FAM167A: variants seen among roughly 807,000 people sequenced by gnomAD.
FAM167A encodes the protein family with sequence similarity 167 member A.
A neutral mutation model predicts 14.9 loss-of-function variants in FAM167A; 23 were observed. The observed-to-expected ratio is 1.55, with a 90% CI of 1.11 to 2.19. FAM167A has a LOEUF of 2.19. Among genes scored for constraint, FAM167A ranks in the 30% most tolerant of loss-of-function variants. The pLI is 0.00. For missense variants in FAM167A, 401 were observed against 281.5 expected (o/e 1.42, Z -3.04); for synonymous variants, 174 against 117.7 (o/e 1.48, Z -3.10).
At chr8:11,469,163 C>T (rs140993954), upstream of FAM167A, among the ~76,000 whole-genome samples, 1 of 152,280 alleles carries the variant, frequency 6.6e-6, no homozygotes, top group East Asian at 1.9e-4. Context: ...TGAAACTTCT[C>T]ATTCCAATAT....
chr8:11,459,319 A>C (rs1289456892), intron 1 of FAM167A, among the ~76,000 whole-genome samples: 1 of 152,036 alleles, frequency 6.6e-6, no homozygotes, highest in Non-Finnish European at 1.5e-5. Flanking sequence ...AGTCTCCCCA[A>C]CTCCACCATT....
chr8:11,431,086 G>C (rs932663064), intron 2 of FAM167A, among the ~76,000 whole-genome samples: 7 of 152,236 alleles, frequency 4.6e-5, no homozygotes, highest in Non-Finnish European at 8.8e-5. Flanking sequence ...GAAGGCAAAA[G>C]CTAGAACCTG....
Position 11,421,768 on chromosome 8 carries a change from T to C in FAM167A, c.*2605A>G. 2.5e-6 allele frequency: 1 copy of C among 399,024 alleles called. No homozygotes were observed. The highest frequency in any genetic ancestry group is 4.4e-6 in the Non-Finnish European group (1 of 226,096). 24.7% of individuals were successfully genotyped at this position (399,024 alleles called of 1,614,324 possible). On this transcript the variant is annotated 3_prime_UTR_variant, in exon 3 of 3. Coordinates refer to ENST00000284486, the MANE Select transcript of FAM167A (RefSeq NM_053279.3). Reference sequence around the variant, plus strand: ...TTTTACACCCAGCGATGCTTGGGGATGGCAGAGAGATGGATGGATAATGAG... The same window carrying C: ...TTTTACACCCAGCGATGCTTGGGGACGGCAGAGAGATGGATGGATAATGAG...
intron 2 of FAM167A, among the ~76,000 whole-genome samples, chr8:11,441,069 T>G (rs1336999328): frequency 6.6e-6 from 1 of 152,248 alleles, no homozygotes; most frequent in Non-Finnish European, 1.5e-5. Flanking sequence ...CCTGCCTGCC[T>G]ACCTGCCAGC....
In FAM167A at chr8:11,422,113, C is replaced by G. The variant is rs904027980; in HGVS notation, c.*2260G>C. 3.3e-6 allele frequency: 1 copy of G among 301,524 alleles called. No individual in the cohort carries two copies. Among genetic ancestry groups the G allele is most frequent in the African/African-American group, 2.2e-5 (1 of 46,388 alleles). The allele number at this position is 301,524 out of a possible 1,614,324, so 18.7% of individuals were successfully genotyped here. On this transcript the variant is annotated 3_prime_UTR_variant, in exon 3 of 3. Transcript: ENST00000284486. Reference sequence around the variant, plus strand: ...CATGTGTCTTGATCTTAGTTTCCACCCAGAGAATGAAGAAAGCAAGCAAGC... The same window carrying G: ...CATGTGTCTTGATCTTAGTTTCCACGCAGAGAATGAAGAAAGCAAGCAAGC...
At chr8:11,430,649 G>T (rs1369585965) in intron 2 of FAM167A, among the ~76,000 whole-genome samples, 1 of 152,154 alleles carries the variant, frequency 6.6e-6, no homozygotes, top group Non-Finnish European at 1.5e-5. Context: ...AAGGTAGAAG[G>T]CAAACCCCCA....
intron 2 of FAM167A, among the ~76,000 whole-genome samples, chr8:11,429,856 G>A (rs143688933): frequency 1.6e-4 from 25 of 152,304 alleles, no homozygotes; most frequent in Admixed American, 1.3e-4. Context: ...AAGAGATAAG[G>A]CCTCTTCTCA....
chr8:11,427,181 T>C (rs1191733439), intron 2 of FAM167A, among the ~76,000 whole-genome samples: 7 of 152,202 alleles, frequency 4.6e-5, no homozygotes, highest in African/African-American at 1.7e-4. Context: ...AGTCCTGAGA[T>C]GTATTTTCTG....
intron 1 of FAM167A, among the ~76,000 whole-genome samples, chr8:11,456,394 T>A (rs201696824): frequency 7.8e-4 from 21 of 26,852 alleles, no homozygotes; most frequent in South Asian, 2.7e-3. Flanking sequence ...CTGGTGTGTG[T>A]GTGAGTGTGG....
chr8:11,425,353 C>T (rs1805063143), intron 2 of FAM167A, among the ~76,000 whole-genome samples: 1 of 152,182 alleles, frequency 6.6e-6, no homozygotes, highest in Admixed American at 6.5e-5. Context: ...GCTCACAAAG[C>T]TCATCCACAG....
At chr8:11,463,691 C>T (rs1807631012) in intron 1 of FAM167A, among the ~76,000 whole-genome samples, 1 of 152,232 alleles carries the variant, frequency 6.6e-6, no homozygotes, top group African/African-American at 2.4e-5. Context: ...CCAGCTTCCA[C>T]CTTTGGATCA....
At chr8:11,460,582 G>A (rs1365976904) in intron 1 of FAM167A, among the ~76,000 whole-genome samples, 1 of 152,266 alleles carries the variant, frequency 6.6e-6, no homozygotes, top group Admixed American at 6.5e-5. Context: ...GCTCAGGATA[G>A]AAGCTTCCGT....
chr8:11,435,974 G>T (rs756493159), intron 2 of FAM167A, among the ~76,000 whole-genome samples: 4 of 152,240 alleles, frequency 2.6e-5, no homozygotes, highest in Admixed American at 2.6e-4. Flanking sequence ...CCCATGTGGC[G>T]CTTGCCCCAG....
intron 1 of FAM167A, among the ~76,000 whole-genome samples, chr8:11,446,128 T>C (rs1024350798): frequency 1.3e-5 from 2 of 150,924 alleles, no homozygotes; most frequent in Non-Finnish European, 2.9e-5. Context: ...AGAATTAAGA[T>C]GAGGGTGGCA....
intron 2 of FAM167A, chr8:11,438,455 G>A: frequency 2.2e-6 from 1 of 457,340 alleles, no homozygotes; most frequent in Non-Finnish European, 4.4e-6. Flanking sequence ...TGCTACAGAA[G>A]TACAAGGTGA....
In FAM167A at chr8:11,422,557, A is replaced by G. The variant is rs1411723829; in HGVS notation, c.*1816T>C. The G allele has an allele frequency of 6.5e-6, 1 of 152,672 alleles. No homozygotes were observed. Among genetic ancestry groups the G allele is most frequent in the East Asian group, 1.9e-4 (1 of 5,206 alleles). The allele number at this position is 152,672 out of a possible 1,614,324, so 9.5% of individuals were successfully genotyped here. A position where few individuals can be genotyped will look rare whatever the true frequency, so the allele number is the denominator to read the frequency against. ...CAGACTTCATTGCACAGAGCATGGCAGACAGTAGATCTTGGCTGCGTTGTT... is the reference window on the plus strand; with the variant it reads ...CAGACTTCATTGCACAGAGCATGGCGGACAGTAGATCTTGGCTGCGTTGTT... On this transcript the variant is annotated 3_prime_UTR_variant, in exon 3 of 3. Coordinates refer to ENST00000284486, the MANE Select transcript of FAM167A (RefSeq NM_053279.3).
chr8:11,444,717 G>T lies in FAM167A; in HGVS notation c.-306C>A. ...GGAATCTCGGGGCAGCCTGTGCCAAGGTCTATCTGTCCTGAACGCACTCGA... is the reference window on the plus strand; with the variant it reads ...GGAATCTCGGGGCAGCCTGTGCCAATGTCTATCTGTCCTGAACGCACTCGA... On this transcript the variant is annotated 5_prime_UTR_variant, in exon 2 of 3. Coordinates refer to ENST00000284486, the MANE Select transcript of FAM167A (RefSeq NM_053279.3). 1 of 1,175,614 alleles carries T rather than the reference G, an allele frequency of 8.5e-7. No individual in the cohort carries two copies. Among genetic ancestry groups the T allele is most frequent in the Non-Finnish European group, 1.1e-6 (1 of 948,816 alleles). 72.8% of individuals were successfully genotyped at this position (1,175,614 alleles called of 1,614,324 possible).
Position 11,437,898 on chromosome 8 carries a change from G to C in FAM167A, c.381+6133C>G, listed in dbSNP as rs185221337. On this transcript the variant is annotated intron_variant, in intron 2 of 2. Coordinates refer to ENST00000284486, the MANE Select transcript of FAM167A (RefSeq NM_053279.3). ...GTGAGGAATTTGCGTATTTCCCTTT[G>C]GTTAATTTCATCATCCACCATCATC... 8.0e-4 allele frequency: 156 copies of C among 196,084 alleles called. 1 individual carries two copies. The Middle Eastern group carries it at 0.012, about 15-fold the overall frequency. The allele number at this position is 196,084 out of a possible 1,614,324, so 12.1% of individuals were successfully genotyped here.
chr8:11,471,005 G>A (rs990831205), upstream of FAM167A, among the ~76,000 whole-genome samples: 1 of 152,232 alleles, frequency 6.6e-6, no homozygotes, highest in Non-Finnish European at 1.5e-5. Context: ...GGGGCGGCTG[G>A]CTCTGTGCCA....
Sources: gnomAD v4.1 joint callset for allele counts (sites outside exome capture counted in the v4.1 genomes callset) on GRCh38, gnomAD v4.1.1 for gene constraint, MANE v1.5 for transcripts, NCBI Gene and HGNC (gene_info 2026-07-23, HGNC 2026-07-21) for gene names.